The following PTCHD1 variants were observed in gnomAD, a reference collection of about 807,000 sequenced individuals.
PTCHD1 encodes patched domain containing 1, also known as patched domain-containing protein 1.
PTCHD1 carries 3 observed loss-of-function variants against 34.6 expected under a neutral mutation model. The ratio of observed to expected loss-of-function variants is 0.09; its 90% confidence interval spans 0.04 to 0.22. The LOEUF is 0.22. Among genes scored for constraint, PTCHD1 ranks in the 10% least tolerant of loss-of-function variants. PTCHD1 has a pLI of 1.00. For synonymous variants in PTCHD1, 305 were observed against 283.1 expected (o/e 1.08, Z -0.77); for missense variants, 504 against 685.5 (o/e 0.74, Z 2.96).
At position 23,393,627 on chromosome X, in the gene PTCHD1, C is replaced by T. The variant is rs762772277; in HGVS notation, c.2109C>T (p.Ser703=). The change falls in exon 3 of 3, where the codon TCC becomes TCT. Residue 703 remains serine (S), a synonymous_variant. Coordinates refer to ENST00000379361, the MANE Select transcript of PTCHD1 (RefSeq NM_173495.3). ...ASSLGAPLHN[S]CISALFLLFF... is the part of the protein sequence containing the mutation. ...CTCTGGGAGCCCCCCTGCACAACTC[C>T]TGCATCAGTGCTTTGTTCCTGCTCT... 1 of 1,210,007 alleles carries T rather than the reference C, an allele frequency of 8.3e-7. No homozygotes were observed. The highest frequency in any genetic ancestry group is 1.7e-5 in the African/African-American group (1 of 57,181).
chrX:23,388,242 G>A (rs1922732947), intron 2 of PTCHD1, among the ~76,000 whole-genome samples: 1 of 111,323 alleles, frequency 9.0e-6, no homozygotes, highest in African/African-American at 3.3e-5. Context: ...ACAGACTTGG[G>A]ACTTTGGAGA....
At chrX:23,379,214 A>G (rs1017876795) in intron 1 of PTCHD1, among the ~76,000 whole-genome samples, 11 of 112,534 alleles carry the variant, frequency 9.8e-5, no homozygotes, top group Non-Finnish European at 1.5e-4. Flanking sequence ...TCACAAATAA[A>G]GAACACGTGG....
intron 2 of PTCHD1, among the ~76,000 whole-genome samples, chrX:23,385,139 G>A (rs777957927): frequency 3.0e-4 from 33 of 111,076 alleles, no homozygotes; most frequent in African/African-American, 9.8e-4. Context: ...CTCGAATATC[G>A]TTTTTTGTAA....
chrX:23,392,700 G>C lies in PTCHD1; in HGVS notation c.1182G>C (p.Thr394=), dbSNP rs745918093. 9.9e-6 allele frequency: 12 copies of C among 1,211,982 alleles called. No individual in the cohort carries two copies. The East Asian group carries it at 3.0e-4, about 30-fold the overall frequency. ...TTGGCATAGGGGCCAGCCCTTTCACGAACATTGAGGCAGCCAGGATTTTCT... is the reference window on the plus strand; with the variant it reads ...TTGGCATAGGGGCCAGCCCTTTCACCAACATTGAGGCAGCCAGGATTTTCT... ...VTFGIGASPF[T]NIEAARIFCC... is the part of the protein sequence containing the mutation. The change falls in exon 3 of 3, where the codon ACG becomes ACC. Residue 394 remains threonine (T), a synonymous_variant. Transcript: ENST00000379361.
Position 23,400,216 on chromosome X carries a change from C to T in PTCHD1, c.*6031C>T, listed in dbSNP as rs191398987. On this transcript the variant is annotated 3_prime_UTR_variant, in exon 3 of 3. Coordinates refer to ENST00000379361, the MANE Select transcript of PTCHD1 (RefSeq NM_173495.3). Reference sequence around the variant, plus strand: ...GGACAGGTGTGGCCGGGCACAGTGGCTCAAGCCTGTAATCCCAGCACTTTG... The same window carrying T: ...GGACAGGTGTGGCCGGGCACAGTGGTTCAAGCCTGTAATCCCAGCACTTTG... 6.2e-5 allele frequency: 7 copies of T among 112,415 alleles called. No individual in the cohort carries two copies. In the East Asian group the frequency reaches 2.0e-3, roughly 31 times the overall value. The allele number at this position is 112,415 out of a possible 1,213,427, so 9.3% of individuals were successfully genotyped here. A position where few individuals can be genotyped will look rare whatever the true frequency, so the allele number is the denominator to read the frequency against.
chrX:23,346,329 G>C (rs1045035805), intron 1 of PTCHD1, among the ~76,000 whole-genome samples: 3 of 111,645 alleles, frequency 2.7e-5, no homozygotes, highest in Admixed American at 9.5e-5. Flanking sequence ...GTGGGGTTTT[G>C]CAGTAGGGGA....
chrX:23,357,832 C>A (rs1240187556), intron 1 of PTCHD1, among the ~76,000 whole-genome samples: 1 of 111,018 alleles, frequency 9.0e-6, no homozygotes, highest in Admixed American at 9.6e-5. Flanking sequence ...CACGACAGGC[C>A]CTGGTGTGTG....
In PTCHD1 at chrX:23,394,154, C is replaced by G; in HGVS notation, c.2636C>G (p.Thr879Ser). Reference sequence around the variant, plus strand: ...GTAGAAATGGTAGATATCGATAGTACCCGTGTGGTTGACCAAATTACAACA... The same window carrying G: ...GTAGAAATGGTAGATATCGATAGTAGCCGTGTGGTTGACCAAATTACAACA... ...ECVEMVDIDS[T>S]RVVDQITTV The change falls in exon 3 of 3, where the codon ACC (threonine) becomes AGC (serine). Residue 879 changes from threonine to serine, a missense_variant. Transcript: ENST00000379361. 1 of 1,207,699 alleles carries G rather than the reference C, an allele frequency of 8.3e-7. No homozygotes were observed. Among genetic ancestry groups the G allele is most frequent in the Non-Finnish European group, 1.1e-6 (1 of 892,810 alleles).
chrX:23,375,087 A>G (rs1569138896), intron 1 of PTCHD1, among the ~76,000 whole-genome samples: 1 of 111,688 alleles, frequency 9.0e-6, no homozygotes, highest in Non-Finnish European at 1.9e-5. Context: ...GATGGAGATT[A>G]AGAAAAATCG....
At chrX:23,378,856 G>A (rs781758738) in intron 1 of PTCHD1, among the ~76,000 whole-genome samples, 12 of 112,149 alleles carry the variant, frequency 1.1e-4, no homozygotes, top group Non-Finnish European at 1.3e-4. Context: ...CAGCAAATTC[G>A]GTATAGAGCA....
intron 1 of PTCHD1, among the ~76,000 whole-genome samples, chrX:23,374,440 C>G (rs1361869374): frequency 9.0e-6 from 1 of 110,688 alleles, no homozygotes; most frequent in Non-Finnish European, 1.9e-5. Flanking sequence ...TCCCTGCTGT[C>G]TTCTGAGGAA....
At chrX:23,390,211 C>A (rs1158642398) in intron 2 of PTCHD1, among the ~76,000 whole-genome samples, 1 of 110,192 alleles carries the variant, frequency 9.1e-6, no homozygotes, top group Non-Finnish European at 1.9e-5. Context: ...GTACTAAAAC[C>A]CTGTTTAAAT....
At chrX:23,352,965 C>T (rs1921683201) in intron 1 of PTCHD1, among the ~76,000 whole-genome samples, 1 of 111,897 alleles carries the variant, frequency 8.9e-6, no homozygotes, top group Non-Finnish European at 1.9e-5. Flanking sequence ...AAGTGGGGCC[C>T]AAACTTAGGT....
intron 1 of PTCHD1, among the ~76,000 whole-genome samples, chrX:23,335,513 G>C (rs987880528): frequency 2.6e-5 from 3 of 113,408 alleles, no homozygotes; most frequent in African/African-American, 9.6e-5. Context: ...CGGTGCGCTT[G>C]TTTTGGTCGC....
At position 23,403,221 on chromosome X, in the gene PTCHD1, C is replaced by T. The variant is rs1272807854; in HGVS notation, c.*9036C>T. 3 of 111,949 alleles carry T rather than the reference C, an allele frequency of 2.7e-5. No homozygotes were observed. Among genetic ancestry groups the T allele is most frequent in the Admixed American group, 1.9e-4 (2 of 10,593 alleles). 9.2% of individuals were successfully genotyped at this position (111,949 alleles called of 1,213,427 possible). A position where few individuals can be genotyped will look rare whatever the true frequency, so the allele number is the denominator to read the frequency against. On this transcript the variant is annotated 3_prime_UTR_variant, in exon 3 of 3. Coordinates refer to ENST00000379361, the MANE Select transcript of PTCHD1 (RefSeq NM_173495.3). Reference sequence around the variant, plus strand: ...TCAGAAACCTTATCATCTGTTCCTCCAAAAAGACCCCATAGTTAATGTTGT... The same window carrying T: ...TCAGAAACCTTATCATCTGTTCCTCTAAAAAGACCCCATAGTTAATGTTGT...
chrX:23,393,617 T>G lies in PTCHD1; in HGVS notation c.2099T>G (p.Leu700Arg). ...TATGCCTCCTCTCTGGGAGCCCCCCTGCACAACTCCTGCATCAGTGCTTTG... is the reference window on the plus strand; with the variant it reads ...TATGCCTCCTCTCTGGGAGCCCCCCGGCACAACTCCTGCATCAGTGCTTTG... ...DRYASSLGAP[L>R]HNSCISALFL... Residue 700 changes from leucine to arginine, a missense_variant, in exon 3 of 3, where the codon CTG (leucine) becomes CGG (arginine). Transcript: ENST00000379361. 1 of 1,211,789 alleles carries G rather than the reference T, an allele frequency of 8.3e-7. No homozygotes were observed. The highest frequency in any genetic ancestry group is 1.1e-6 in the Non-Finnish European group (1 of 895,442).
At chrX:23,357,553 A>G (rs1439811925) in intron 1 of PTCHD1, among the ~76,000 whole-genome samples, 1 of 111,134 alleles carries the variant, frequency 9.0e-6, no homozygotes, top group Non-Finnish European at 1.9e-5. Context: ...GCTGGCTCCT[A>G]CTGACTCCTG....
At chrX:23,372,815 C>T (rs1922314166) in intron 1 of PTCHD1, among the ~76,000 whole-genome samples, 1 of 112,045 alleles carries the variant, frequency 8.9e-6, no homozygotes, top group African/African-American at 3.2e-5. Context: ...CACAAGCTAG[C>T]TCAACTACAG....
chrX:23,335,294 G>T, intron 1 of PTCHD1, 68 bp downstream of exon 1: 1 of 915,401 alleles, frequency 1.1e-6, no homozygotes, highest in South Asian at 2.1e-5. Flanking sequence ...CTCTGCGCTG[G>T]GGTCCCGGCT....
Sources: allele counts gnomAD v4.1 joint callset (sites outside exome capture counted in the v4.1 genomes callset), GRCh38; gene constraint gnomAD v4.1.1; transcripts MANE v1.5; gene names NCBI Gene and HGNC (gene_info 2026-07-23, HGNC 2026-07-21).